Variants in MACROD2 observed in about 807,000 individuals in gnomAD.
MACROD2 encodes the protein mono-ADP ribosylhydrolase 2.
Under a neutral mutation model 70.4 loss-of-function variants are expected in MACROD2, and 36 were observed. The observed-to-expected ratio is 0.51, with a 90% CI of 0.39 to 0.68. The LOEUF (loss-of-function observed/expected upper bound fraction) is 0.68, where lower values mean the gene tolerates loss of function less well. MACROD2 is among the 30% of genes least tolerant of loss of function. The probability of loss-of-function intolerance (pLI) is 0.00; values close to 1 mark genes in which losing one functional copy is unlikely to be tolerated. For synonymous variants in MACROD2, 172 were observed against 178.8 expected, an observed-to-expected ratio of 0.96 and a Z score of 0.30; for missense variants, 496 against 538.4, an observed-to-expected ratio of 0.92 and a Z score of 0.78.
At chr20:15,664,338 A>T (rs118083446) in intron 8 of MACROD2, among the ~76,000 whole-genome samples, 1 of 152,334 alleles carries the variant, frequency 6.6e-6, no homozygotes, top group Non-Finnish European at 1.5e-5. Flanking sequence ...ATCCTGAGTG[A>T]GCAGAGTACA....
At chr20:15,932,204 T>C (rs1475747703) in intron 10 of MACROD2, among the ~76,000 whole-genome samples, 1 of 152,080 alleles carries the variant, frequency 6.6e-6, no homozygotes, top group African/African-American at 2.4e-5. Flanking sequence ...CCACACATCT[T>C]TTCTCCCTCT....
intron 5 of MACROD2, among the ~76,000 whole-genome samples, chr20:14,880,255 G>T (rs2073595862): frequency 6.6e-6 from 1 of 152,158 alleles, no homozygotes; most frequent in Non-Finnish European, 1.5e-5. Context: ...GTGCTTCACT[G>T]CCAACACAGC....
At chr20:15,192,016 ATCTATCTATC>A (rs2076575256) in intron 5 of MACROD2, among the ~76,000 whole-genome samples, 1 of 13,754 alleles carries the variant, frequency 7.3e-5, no homozygotes, top group Non-Finnish European at 1.7e-4. Flanking sequence ...TTAACTATGT[ATCTATCTATC>A]TATCTATCTA....
At chr20:15,564,961 C>T (rs2048291806) in intron 8 of MACROD2, among the ~76,000 whole-genome samples, 1 of 152,208 alleles carries the variant, frequency 6.6e-6, no homozygotes. Context: ...GTTGTTTAAT[C>T]CACAATTCAC....
chr20:15,947,622 A>G (rs1465999987), intron 12 of MACROD2, among the ~76,000 whole-genome samples: 4 of 152,110 alleles, frequency 2.6e-5, no homozygotes, highest in Non-Finnish European at 5.9e-5. Context: ...CTTTCTACAT[A>G]GACACAGTAA....
intron 8 of MACROD2, among the ~76,000 whole-genome samples, chr20:15,802,752 AAAAT>A (rs2063737500): frequency 6.6e-6 from 1 of 152,150 alleles, no homozygotes; most frequent in Non-Finnish European, 1.5e-5. Flanking sequence ...AAAGATAAAC[AAAAT>A]AAATAAACTG....
chr20:15,674,240 G>C (rs1394220875), intron 8 of MACROD2, among the ~76,000 whole-genome samples: 3 of 152,164 alleles, frequency 2.0e-5, no homozygotes, highest in Non-Finnish European at 4.4e-5. Flanking sequence ...AGGGAGAACG[G>C]AAGGGGAAGA....
chr20:15,591,918 G>A (rs1351065237), intron 8 of MACROD2, among the ~76,000 whole-genome samples: 2 of 152,128 alleles, frequency 1.3e-5, no homozygotes, highest in African/African-American at 4.8e-5. Flanking sequence ...ACATGCTCAG[G>A]CTATGCGTTA....
At position 15,402,462 on chromosome 20, in the gene MACROD2, T is replaced by C. The variant is rs543691449; in HGVS notation, c.541-28943T>C. On this transcript the variant is annotated intron_variant, in intron 6 of 17. Transcript: ENST00000684519. Reference sequence around the variant, plus strand: ...GTGAAAAATTTCTCTACTAATGCTCTGGGAATGTCTTAAATCTGTAAAGGC... The same window carrying C: ...GTGAAAAATTTCTCTACTAATGCTCCGGGAATGTCTTAAATCTGTAAAGGC... Among the ~76,000 whole-genome samples, 17 of 152,332 alleles carry C rather than the reference T, an allele frequency of 1.1e-4. No homozygotes were observed. The South Asian group carries it at 3.5e-3, about 32-fold the overall frequency.
intron 5 of MACROD2, among the ~76,000 whole-genome samples, chr20:15,113,875 A>G (rs1342204201): frequency 2.0e-5 from 3 of 151,708 alleles, no homozygotes; most frequent in East Asian, 1.9e-4. Flanking sequence ...TTGAAGGGGG[A>G]AAGCTCCAAA....
chr20:15,791,355 T>C (rs937769102), intron 8 of MACROD2, among the ~76,000 whole-genome samples: 1 of 151,868 alleles, frequency 6.6e-6, no homozygotes, highest in Non-Finnish European at 1.5e-5. Flanking sequence ...TGATATACAC[T>C]GGTTGACCAA....
chr20:14,157,544 C>T (rs1398959580), intron 3 of MACROD2, among the ~76,000 whole-genome samples: 10 of 152,034 alleles, frequency 6.6e-5, no homozygotes, highest in Admixed American at 6.6e-4. Flanking sequence ...TCTCTTCATC[C>T]CCCCTCCCAC....
At chr20:14,220,925 T>A (rs973820529) in intron 3 of MACROD2, among the ~76,000 whole-genome samples, 1 of 152,092 alleles carries the variant, frequency 6.6e-6, no homozygotes, top group Non-Finnish European at 1.5e-5. Flanking sequence ...GGTCTGTGGG[T>A]CCTCTCAGGA....
At chr20:14,669,282 G>A (rs2070769590) in intron 4 of MACROD2, among the ~76,000 whole-genome samples, 1 of 152,090 alleles carries the variant, frequency 6.6e-6, no homozygotes, top group African/African-American at 2.4e-5. Context: ...ATGGCAAAAG[G>A]TTTGCCAAAA....
At chr20:15,545,392 G>A (rs989659002) in intron 8 of MACROD2, among the ~76,000 whole-genome samples, 7 of 152,084 alleles carry the variant, frequency 4.6e-5, no homozygotes, top group African/African-American at 1.7e-4. Context: ...TTCATATTTA[G>A]TCCTAATTTC....
intron 5 of MACROD2, among the ~76,000 whole-genome samples, chr20:15,157,595 C>T (rs938693943): frequency 6.6e-6 from 1 of 152,064 alleles, no homozygotes; most frequent in Non-Finnish European, 1.5e-5. Context: ...TCTATAAGCT[C>T]AACAGCTAGT....
chr20:14,768,324 C>T lies in MACROD2; in HGVS notation c.418+83365C>T, dbSNP rs571870134. Among the ~76,000 whole-genome samples, 7 of 152,070 alleles carry T rather than the reference C, an allele frequency of 4.6e-5. No individual in the cohort carries two copies. The South Asian group carries it at 1.2e-3, about 27-fold the overall frequency. ...TGTTGTTTCCTGACTTTTTAATGAT[C>T]GCCATTCTAATTTACTTTCTAGGGT... On this transcript the variant is annotated intron_variant, in intron 5 of 17. Coordinates refer to ENST00000684519, the MANE Select transcript of MACROD2 (RefSeq NM_001351661.2).
chr20:14,517,525 C>G (rs527807730), intron 4 of MACROD2, among the ~76,000 whole-genome samples: 2 of 151,892 alleles, frequency 1.3e-5, no homozygotes, highest in Admixed American at 1.3e-4. Flanking sequence ...CATCACACAC[C>G]GGGGCCTGTC....
intron 3 of MACROD2, among the ~76,000 whole-genome samples, chr20:14,482,815 C>CT (rs1422978416): frequency 1.3e-5 from 2 of 152,240 alleles, no homozygotes; most frequent in African/African-American, 2.4e-5. Context: ...CTTACTCTGA[C>CT]TTTTTTGTGG....
Sources: gnomAD v4.1 joint callset for allele counts (sites outside exome capture counted in the v4.1 genomes callset) on GRCh38, gnomAD v4.1.1 for gene constraint, MANE v1.5 for transcripts, NCBI Gene and HGNC (gene_info 2026-07-23, HGNC 2026-07-21) for gene names.